The following RIMS1 variants were observed in gnomAD, a reference collection of about 807,000 sequenced individuals.
The protein encoded by RIMS1 is regulating synaptic membrane exocytosis 1, also known as regulating synaptic membrane exocytosis protein 1.
A neutral mutation model predicts 214.1 loss-of-function variants in RIMS1; 83 were observed. That is an observed-to-expected ratio of 0.39 (90% confidence interval 0.32 to 0.47). RIMS1 has a LOEUF of 0.47. RIMS1 is among the 20% of genes least tolerant of loss of function. The probability of loss-of-function intolerance (pLI) is 0.99; values close to 1 mark genes in which losing one functional copy is unlikely to be tolerated. For missense variants in RIMS1, 2,050 were observed against 2,161.8 expected (o/e 0.95, Z 1.03); for synonymous variants, 793 against 786.8 (o/e 1.01, Z -0.13).
chr6:72,072,744 C>A (rs865840482), intron 2 of RIMS1, among the ~76,000 whole-genome samples: 4 of 152,210 alleles, frequency 2.6e-5, no homozygotes, highest in Middle Eastern at 3.5e-3. Context: ...GTGTCAACAC[C>A]ACCCTTCTAT....
intron 22 of RIMS1, among the ~76,000 whole-genome samples, chr6:72,274,074 T>G (rs544677172): frequency 4.1e-4 from 63 of 152,198 alleles, no homozygotes; most frequent in Admixed American, 9.8e-4. Context: ...AAGCACATTT[T>G]GGAAGAAAAA....
In RIMS1 at chr6:71,887,034, C is replaced by T; in HGVS notation, c.11C>T (p.Ala4Val). 5.0e-6 allele frequency: 8 copies of T among 1,612,954 alleles called. No individual in the cohort carries two copies. The highest frequency in any genetic ancestry group is 6.8e-6 in the Non-Finnish European group (8 of 1,179,512). MSS[A>V]VGPRGPRPPT... ...GGGCAGGCCACGAAAATGTCCTCGG[C>T]CGTGGGGCCCCGCGGTCCTCGCCCA... The change falls in exon 1 of 34, where the codon GCC becomes GTC. Residue 4 changes from alanine to valine, a missense_variant. Around this residue, in one of 6 missense-constraint regions of RIMS1, gnomAD observed 882 missense variants for 828.9 expected, o/e 1.06. Transcript: ENST00000521978.
chr6:72,173,374 T>C (rs1026398207), intron 4 of RIMS1, among the ~76,000 whole-genome samples: 2 of 152,118 alleles, frequency 1.3e-5, no homozygotes, highest in African/African-American at 4.8e-5. Flanking sequence ...TGGGAATTTG[T>C]CTTCTATTAT....
At chr6:72,362,259 G>A (rs2097852834) in intron 29 of RIMS1, among the ~76,000 whole-genome samples, 1 of 152,042 alleles carries the variant, frequency 6.6e-6, no homozygotes. Flanking sequence ...AGTAGTACAA[G>A]TCTGCTAATC....
chr6:72,231,950 G>A (rs2062127014), intron 6 of RIMS1, among the ~76,000 whole-genome samples: 1 of 151,640 alleles, frequency 6.6e-6, no homozygotes, highest in Admixed American at 6.6e-5. Flanking sequence ...ATTGGGGCAT[G>A]AACCAGAGAA....
chr6:71,904,955 C>T (rs181811647), intron 1 of RIMS1, among the ~76,000 whole-genome samples: 88 of 152,252 alleles, frequency 5.8e-4, no homozygotes, highest in Non-Finnish European at 9.6e-4. Context: ...TATAAGATTT[C>T]ATTTCACTAA....
chr6:71,975,092 A>G (rs1796815871), intron 2 of RIMS1, among the ~76,000 whole-genome samples: 1 of 152,192 alleles, frequency 6.6e-6, no homozygotes, highest in African/African-American at 2.4e-5. Context: ...ATATCGAGAC[A>G]TAAGTGTTAT....
At chr6:72,340,589 A>G (rs973247597) in intron 29 of RIMS1, among the ~76,000 whole-genome samples, 4 of 151,944 alleles carry the variant, frequency 2.6e-5, no homozygotes, top group African/African-American at 9.7e-5. Context: ...AAGATCAGAT[A>G]GTTGTAGATA....
intron 1 of RIMS1, among the ~76,000 whole-genome samples, chr6:71,943,770 G>A (rs566026792): frequency 5.3e-5 from 8 of 152,166 alleles, no homozygotes; most frequent in East Asian, 1.9e-4. Flanking sequence ...TCATTTCAGC[G>A]TATCAGCTTT....
chr6:72,379,484 T>A (rs1396733558), intron 29 of RIMS1, among the ~76,000 whole-genome samples: 1 of 152,244 alleles, frequency 6.6e-6, no homozygotes, highest in African/African-American at 2.4e-5. Flanking sequence ...CTGTGACATG[T>A]TGCAGCTTAA....
intron 2 of RIMS1, among the ~76,000 whole-genome samples, chr6:72,080,195 C>A (rs1216792035): frequency 6.7e-6 from 1 of 149,276 alleles, no homozygotes; most frequent in Non-Finnish European, 1.5e-5. Context: ...ACCCGGGAGG[C>A]AGAGGTTGCA....
At chr6:72,038,090 C>CAAAAAAAAAAAA (rs869130217) in intron 2 of RIMS1, among the ~76,000 whole-genome samples, 2 of 22,242 alleles carry the variant, frequency 9.0e-5, no homozygotes, top group Non-Finnish European at 8.0e-5. Flanking sequence ...AACAAACAAG[C>CAAAAAAAAAAAA]AAAAAAAAAA....
chr6:72,213,242 A>T, intron 6 of RIMS1: 1 of 1,526,958 alleles, frequency 6.5e-7, no homozygotes, highest in Non-Finnish European at 8.8e-7. Flanking sequence ...AGATAATGGT[A>T]ATCCCACTTC....
At chr6:72,130,062 G>A (rs1417922572) in intron 4 of RIMS1, among the ~76,000 whole-genome samples, 1 of 151,978 alleles carries the variant, frequency 6.6e-6, no homozygotes, top group Non-Finnish European at 1.5e-5. Context: ...ATTTTAGTTA[G>A]AAATCTCAAC....
intron 4 of RIMS1, among the ~76,000 whole-genome samples, chr6:72,167,462 A>T (rs533953906): frequency 6.6e-6 from 1 of 152,180 alleles, no homozygotes; most frequent in South Asian, 2.1e-4. Flanking sequence ...TTCAGAAGCG[A>T]ATGTGGTTCT....
At chr6:72,204,302 T>C (rs568404639) in intron 6 of RIMS1, among the ~76,000 whole-genome samples, 2 of 151,698 alleles carry the variant, frequency 1.3e-5, no homozygotes, top group African/African-American at 2.4e-5. Flanking sequence ...CCTAACACTT[T>C]GTCATTCCAG....
At position 72,110,508 on chromosome 6, in the gene RIMS1, G is replaced by A. The variant is rs566751407; in HGVS notation, c.471+10522G>A. Among the ~76,000 whole-genome samples, 211 of 149,468 alleles carry A rather than the reference G, an allele frequency of 1.4e-3. 1 individual carries two copies. Among genetic ancestry groups the A allele is most frequent in the African/African-American group, 5.0e-3 (201 of 40,512 alleles). On this transcript the variant is annotated intron_variant, in intron 4 of 33. Transcript: ENST00000521978. ...TCATGATTTGGCTCTCTGTTTGTCT[G>A]TTATTGGTGTATAAGAATGCTTGTG...
chr6:72,099,595 G>C (rs1362071411), intron 3 of RIMS1, among the ~76,000 whole-genome samples: 1 of 151,868 alleles, frequency 6.6e-6, no homozygotes. Context: ...CAAAATTATT[G>C]ATACAATTTT....
rs1250868988 is a variant in RIMS1 at position 71,924,630 on chromosome 6, C to CAAAAAAAAAAAAAAA, written c.164+37447_164+37461dup. On this transcript the variant is annotated intron_variant, in intron 1 of 33. Coordinates refer to ENST00000521978, the MANE Select transcript of RIMS1 (RefSeq NM_014989.7). Reference sequence around the variant, plus strand: ...CCAACACAGCAAAACCCCATCTCTGCAAAAAAAAAAAAAAAAAATGCAGAA... The same window carrying CAAAAAAAAAAAAAAA: ...CCAACACAGCAAAACCCCATCTCTGCAAAAAAAAAAAAAAAAAAAAAAAAAAAAAAAAATGCAGAA... 1.3e-3 allele frequency among the ~76,000 whole-genome samples: 99 copies of CAAAAAAAAAAAAAAA among 76,166 alleles called. 2 individuals are homozygous for CAAAAAAAAAAAAAAA. Among genetic ancestry groups the CAAAAAAAAAAAAAAA allele is most frequent in the African/African-American group, 5.2e-3 (95 of 18,270 alleles). 50.0% of individuals were successfully genotyped at this position (76,166 alleles called of 152,430 possible).
Sources: allele counts gnomAD v4.1 joint callset (sites outside exome capture counted in the v4.1 genomes callset), GRCh38; gene constraint gnomAD v4.1.1; regional missense constraint gnomAD v4.1.1; transcripts MANE v1.5; gene names NCBI Gene and HGNC (gene_info 2026-07-23, HGNC 2026-07-21).